The following ASCC3 variants were observed in gnomAD, a reference collection of about 807,000 sequenced individuals.
The protein encoded by ASCC3 is ASC-1 complex subunit P200.
ASCC3 carries 158 observed loss-of-function variants against 256.3 expected under a neutral mutation model. The ratio of observed to expected loss-of-function variants is 0.62; its 90% confidence interval spans 0.54 to 0.70. ASCC3 has a LOEUF of 0.70. Among genes scored for constraint, ASCC3 ranks in the 30% least tolerant of loss-of-function variants. The pLI, the probability that ASCC3 is intolerant of heterozygous loss-of-function variation, is 0.00. For missense variants in ASCC3, 2,259 were observed against 2,626.0 expected, an observed-to-expected ratio of 0.86 and a Z score of 3.05; for synonymous variants, 948 against 883.4, an observed-to-expected ratio of 1.07 and a Z score of -1.30.
chr6:100,549,572 A>G lies in ASCC3; in HGVS notation c.5551-9185T>C, dbSNP rs1175722347. ...ATTCTTGGATTTCAGGTGAATCAGG[A>G]CTGAACTACTGTTACCTGCTGACTG... On this transcript the variant is annotated intron_variant, in intron 36 of 41. Coordinates refer to ENST00000369162, the MANE Select transcript of ASCC3 (RefSeq NM_006828.4). Among the ~76,000 whole-genome samples the G allele has an allele frequency of 2.0e-5, 3 of 152,010 alleles. No homozygotes were observed. The East Asian group carries it at 5.8e-4, about 29-fold the overall frequency.
chr6:100,619,559 A>C (rs1180717085), intron 30 of ASCC3, among the ~76,000 whole-genome samples: 1 of 152,148 alleles, frequency 6.6e-6, no homozygotes, highest in Non-Finnish European at 1.5e-5. Context: ...ACTCCACTGG[A>C]TAAAGAGTCT....
At chr6:100,641,095 AT>A (rs906599217) in intron 24 of ASCC3, among the ~76,000 whole-genome samples, 1 of 152,284 alleles carries the variant, frequency 6.6e-6, no homozygotes, top group Admixed American at 6.5e-5. Context: ...TTAGTTTAGG[AT>A]TTTTTGAAAT....
At chr6:100,689,400 T>A (rs1309920633) in intron 13 of ASCC3, among the ~76,000 whole-genome samples, 3 of 152,194 alleles carry the variant, frequency 2.0e-5, no homozygotes, top group Admixed American at 1.3e-4. Flanking sequence ...AATTTGCCAC[T>A]CATTCAGAAG....
intron 4 of ASCC3, among the ~76,000 whole-genome samples, chr6:100,825,137 AG>A (rs1287761830): frequency 6.6e-6 from 1 of 152,212 alleles, no homozygotes; most frequent in Non-Finnish European, 1.5e-5. Flanking sequence ...AGGATAGTGA[AG>A]AGCCTGTTTA....
At chr6:100,673,546 A>T (rs1776859444) in intron 14 of ASCC3, among the ~76,000 whole-genome samples, 1 of 152,190 alleles carries the variant, frequency 6.6e-6, no homozygotes, top group African/African-American at 2.4e-5. Flanking sequence ...AGCTACAATC[A>T]AAATTTCCTT....
At chr6:100,559,807 C>T (rs1484702160) in intron 36 of ASCC3, among the ~76,000 whole-genome samples, 1 of 148,606 alleles carries the variant, frequency 6.7e-6, no homozygotes, top group East Asian at 2.0e-4. Context: ...GATGGTGCCA[C>T]TGTACTCCAA....
At chr6:100,567,648 A>T (rs191544033) in intron 36 of ASCC3, among the ~76,000 whole-genome samples, 2 of 152,276 alleles carry the variant, frequency 1.3e-5, no homozygotes, top group Admixed American at 6.5e-5. Flanking sequence ...ATAGGTGAGA[A>T]CCTGCAGAAT....
intron 37 of ASCC3, among the ~76,000 whole-genome samples, chr6:100,523,979 C>T (rs752993334): frequency 4.6e-5 from 7 of 152,094 alleles, no homozygotes; most frequent in Non-Finnish European, 8.8e-5. Flanking sequence ...GATTATACAA[C>T]ACTTTCAGTA....
intron 20 of ASCC3, among the ~76,000 whole-genome samples, chr6:100,648,039 T>C (rs1775473415): frequency 6.6e-6 from 1 of 152,062 alleles, no homozygotes; most frequent in Non-Finnish European, 1.5e-5. Flanking sequence ...TTGATATTAA[T>C]ATTATGATTT....
chr6:100,632,183 A>T (rs962212668), intron 25 of ASCC3, among the ~76,000 whole-genome samples: 22 of 23,868 alleles, frequency 9.2e-4, no homozygotes, highest in Non-Finnish European at 1.6e-3. Flanking sequence ...CAAACTATCT[A>T]AAAAAAAAAA....
At chr6:100,817,571 G>A (rs2114408571) in intron 4 of ASCC3, among the ~76,000 whole-genome samples, 1 of 151,770 alleles carries the variant, frequency 6.6e-6, no homozygotes, top group Non-Finnish European at 1.5e-5. Context: ...AAATTAGTAG[G>A]ATCATATATA....
At chr6:100,634,772 G>C (rs970798732) in intron 25 of ASCC3, among the ~76,000 whole-genome samples, 1 of 150,486 alleles carries the variant, frequency 6.6e-6, no homozygotes, top group African/African-American at 2.5e-5. Flanking sequence ...TGTAGTCCCA[G>C]CTACTCAGGA....
Position 100,660,473 on chromosome 6 carries a change from C to A in ASCC3, c.2703+1333G>T, listed in dbSNP as rs72941232. On this transcript the variant is annotated intron_variant, in intron 16 of 41. Coordinates refer to ENST00000369162, the MANE Select transcript of ASCC3 (RefSeq NM_006828.4). ...TATTTAAGCCACACAATTACAGTAG[C>A]CAGTAAGACTGAAATTGAGCTATCA... Among the ~76,000 whole-genome samples the A allele has an allele frequency of 3.5e-3, 533 of 151,756 alleles. 4 individuals are homozygous for A. The highest frequency in any genetic ancestry group is 0.012 in the African/African-American group (487 of 41,510).
At chr6:100,729,383 G>T (rs1779792447) in intron 10 of ASCC3, among the ~76,000 whole-genome samples, 1 of 152,140 alleles carries the variant, frequency 6.6e-6, no homozygotes, top group Non-Finnish European at 1.5e-5. Flanking sequence ...CTCGAACAAA[G>T]ATCTGACAAA....
At chr6:100,652,164 TA>T (rs146052972) in intron 18 of ASCC3, among the ~76,000 whole-genome samples, 4,578 of 152,062 alleles carry the variant, frequency 0.03, 75 homozygotes, top group African/African-American at 0.055. Context: ...AAAGAATGCC[TA>T]AAGTTCCTGC....
At chr6:100,773,069 G>A (rs774422173) in intron 8 of ASCC3, among the ~76,000 whole-genome samples, 2 of 152,094 alleles carry the variant, frequency 1.3e-5, no homozygotes, top group South Asian at 2.1e-4. Flanking sequence ...TATAGATGAG[G>A]AAACTGAAAC....
In ASCC3 at chr6:100,715,552, TAAAAA is replaced by T; in HGVS notation, c.2080-24_2080-20del. 6.3e-7 allele frequency: 1 copy of T among 1,594,550 alleles called. No individual in the cohort carries two copies. The highest frequency in any genetic ancestry group is 8.6e-7 in the Non-Finnish European group (1 of 1,165,596). On this transcript the variant is annotated intron_variant, in intron 12 of 41. Coordinates refer to ENST00000369162, the MANE Select transcript of ASCC3 (RefSeq NM_006828.4). ...GCTGCATCTTGAAGATTTTAAAACA[TAAAAA>T]AAATCATGTGAAACAATTATAAACT... is the stretch of plus-strand genomic sequence containing the variant.
intron 36 of ASCC3, among the ~76,000 whole-genome samples, chr6:100,577,153 A>AT (rs975373083): frequency 1.3e-5 from 2 of 152,064 alleles, no homozygotes; most frequent in Non-Finnish European, 2.9e-5. Flanking sequence ...TGTAAAAAAA[A>AT]TCACCTATCA....
intron 30 of ASCC3, among the ~76,000 whole-genome samples, chr6:100,608,142 A>G (rs1773063049): frequency 7.9e-6 from 1 of 126,916 alleles, no homozygotes; most frequent in African/African-American, 3.0e-5. Context: ...ATATGTATAT[A>G]TATCTATATA....
Sources: allele counts gnomAD v4.1 joint callset (sites outside exome capture counted in the v4.1 genomes callset), GRCh38; gene constraint gnomAD v4.1.1; transcripts MANE v1.5; gene names NCBI Gene and HGNC (gene_info 2026-07-23, HGNC 2026-07-21).